Variants in MYZAP observed in about 807,000 individuals in gnomAD.
MYZAP encodes the protein GRINL1A complex locus upstream.
MYZAP carries 66 observed loss-of-function variants against 69.4 expected under a neutral mutation model. That is an observed-to-expected ratio of 0.95 (90% confidence interval 0.78 to 1.17). The LOEUF is 1.17. Ranked by LOEUF, MYZAP falls within the 50% of genes most tolerant of loss-of-function variation. The probability of loss-of-function intolerance (pLI) is 0.00; values close to 1 mark genes in which losing one functional copy is unlikely to be tolerated. For synonymous variants in MYZAP, 256 were observed against 205.9 expected (o/e 1.24, Z -2.09); for missense variants, 611 against 556.2 (o/e 1.10, Z -0.99).
At chr15:57,678,124 A>G (rs540385237) in intron 12 of MYZAP, among the ~76,000 whole-genome samples, 1 of 151,738 alleles carries the variant, frequency 6.6e-6, no homozygotes, top group South Asian at 2.1e-4. Context: ...GCACTTTGGG[A>G]GGCCAAGGCA....
chr15:57,620,140 C>T (rs2932196), intron 3 of MYZAP, among the ~76,000 whole-genome samples: 71,945 of 151,892 alleles, frequency 0.47, 17,570 homozygotes, highest in African/African-American at 0.58. Flanking sequence ...AAAGTTGTAC[C>T]TTTAACCTCA....
At chr15:57,662,758 G>A (rs2038374294) in intron 11 of MYZAP, among the ~76,000 whole-genome samples, 1 of 152,180 alleles carries the variant, frequency 6.6e-6, no homozygotes, top group Non-Finnish European at 1.5e-5. Flanking sequence ...GGTTACAGTA[G>A]AGATGGGTAA....
intron 5 of MYZAP, among the ~76,000 whole-genome samples, chr15:57,627,414 GGGAGGA>G (rs370079600): frequency 8.5e-5 from 12 of 141,470 alleles, no homozygotes; most frequent in African/African-American, 3.2e-4. Flanking sequence ...GAGGGGAAGG[GGGAGGA>G]GGAGGAGGAG....
rs182103676 is a variant in MYZAP, at chr15:57,657,374, C to T, written c.1120-4076C>T. On this transcript the variant is annotated intron_variant, in intron 10 of 12. Transcript: ENST00000267853. The stretch of plus-strand genomic sequence containing the variant: ...ATACCGTGAGAGTAATTTTTGGGAA[C>T]TATTTCTACAAAAATGGAAGGAAGT... 1.6e-4 allele frequency among the ~76,000 whole-genome samples: 24 copies of T among 152,224 alleles called. No homozygotes were observed. In the East Asian group the frequency reaches 4.2e-3, roughly 27 times the overall value.
Position 57,604,296 on chromosome 15 carries a change from G to A in MYZAP, c.103G>A (p.Val35Ile), listed in dbSNP as rs772067728. ...RANVCRLRLT[V>I]PPESPVPEQC... ...AAATGTTTGCAGACTACGGCTGACC[G>A]TACCTCCTGAGAGTCCAGTTCCTGA... Residue 35 changes from valine (V) to isoleucine (I), a missense_variant, in exon 2 of 13, where the codon GTA becomes ATA. Val to Ile is a conservative substitution (Grantham distance 29). Coordinates refer to ENST00000267853, the MANE Select transcript of MYZAP (RefSeq NM_001018100.5). 4.5e-5 allele frequency: 73 copies of A among 1,614,018 alleles called. No individual in the cohort carries two copies. Among genetic ancestry groups the A allele is most frequent in the East Asian group, 2.7e-4 (12 of 44,896 alleles).
At chr15:57,592,820 C>G (rs889836341) in intron 1 of MYZAP, among the ~76,000 whole-genome samples, 4 of 152,170 alleles carry the variant, frequency 2.6e-5, no homozygotes, top group Non-Finnish European at 4.4e-5. Context: ...CTTTCTAACA[C>G]GGTCAGCACC....
At chr15:57,607,435 C>A (rs1001300254) in intron 2 of MYZAP, among the ~76,000 whole-genome samples, 1 of 152,026 alleles carries the variant, frequency 6.6e-6, no homozygotes, top group South Asian at 2.1e-4. Flanking sequence ...TAGTGCTTTT[C>A]AAACTTGTCA....
chr15:57,665,939 G>T (rs2038549293), intron 11 of MYZAP, among the ~76,000 whole-genome samples: 3 of 152,138 alleles, frequency 2.0e-5, no homozygotes, highest in Non-Finnish European at 4.4e-5. Context: ...ACTCTGGGCA[G>T]GTAATTCTAC....
At chr15:57,629,370 T>C (rs1223231907) in intron 5 of MYZAP, among the ~76,000 whole-genome samples, 1 of 152,226 alleles carries the variant, frequency 6.6e-6, no homozygotes, top group Non-Finnish European at 1.5e-5. Flanking sequence ...CTGTTTTTTT[T>C]CCCATGTGAA....
In MYZAP at chr15:57,662,457, G is replaced by A. The variant is rs886408721; in HGVS notation, c.1203+924G>A. Reference sequence around the variant, plus strand: ...GTTCTGTGTAACACAGAAGTTAAGAGTGGAATCCAACTTACCCAAGTGTGA... The same window carrying A: ...GTTCTGTGTAACACAGAAGTTAAGAATGGAATCCAACTTACCCAAGTGTGA... On this transcript the variant is annotated intron_variant, in intron 11 of 12. Coordinates refer to ENST00000267853, the MANE Select transcript of MYZAP (RefSeq NM_001018100.5). Among the ~76,000 whole-genome samples the A allele has an allele frequency of 7.9e-5, 12 of 152,166 alleles. No homozygotes were observed. In the East Asian group the frequency reaches 2.3e-3, roughly 29 times the overall value.
In MYZAP at chr15:57,629,770, G is replaced by C. The variant is rs371814833; in HGVS notation, c.594G>C (p.Thr198=). Reference sequence around the variant, plus strand: ...ATCAAATCAGAAATCTGCAGCAGACGTATGAAGCATCCATGGACAAGCTGA... The same window carrying C: ...ATCAAATCAGAAATCTGCAGCAGACCTATGAAGCATCCATGGACAAGCTGA... ...IKDQIRNLQQ[T]YEASMDKLRE... The change falls in exon 6 of 13, where the codon ACG becomes ACC. Residue 198 remains threonine, a synonymous_variant. Coordinates refer to ENST00000267853, the MANE Select transcript of MYZAP (RefSeq NM_001018100.5). The C allele has an allele frequency of 6.2e-7, 1 of 1,614,074 alleles. No homozygotes were observed. The highest frequency in any genetic ancestry group is 8.5e-7 in the Non-Finnish European group (1 of 1,179,992).
chr15:57,604,967 A>G lies in MYZAP; in HGVS notation c.162+612A>G, dbSNP rs367766956. 2.0e-5 allele frequency among the ~76,000 whole-genome samples: 3 copies of G among 152,360 alleles called. No individual in the cohort carries two copies. In the East Asian group the frequency reaches 5.8e-4, roughly 29 times the overall value. ...TGTGATATTTCAGGTGTTAAGATCCAGCCCTATATGACGGAATCTGGGAAC... is the reference window on the plus strand; with the variant it reads ...TGTGATATTTCAGGTGTTAAGATCCGGCCCTATATGACGGAATCTGGGAAC... On this transcript the variant is annotated intron_variant, in intron 2 of 12. Transcript: ENST00000267853.
intron 6 of MYZAP, among the ~76,000 whole-genome samples, chr15:57,631,464 G>GAAAA (rs111892046): frequency 2.1e-5 from 3 of 146,142 alleles, no homozygotes; most frequent in East Asian, 4.0e-4. Flanking sequence ...CCCCAAATTG[G>GAAAA]GAAAAAAAAA....
rs1395001558 is a variant in MYZAP at position 57,664,275 on chromosome 15, T to C, written c.1203+2742T>C. Among the ~76,000 whole-genome samples the C allele has an allele frequency of 3.3e-5, 5 of 152,178 alleles. No homozygotes were observed. In the South Asian group the frequency reaches 1.0e-3, roughly 32 times the overall value. On this transcript the variant is annotated intron_variant, in intron 11 of 12. Transcript: ENST00000267853. The stretch of plus-strand genomic sequence containing the variant: ...GGGTCACAGGACCCTCAGTGGCTTC[T>C]TCCAAGGTGATTCAAACACAGGACT...
Position 57,629,727 on chromosome 15 carries a change from A to G in MYZAP, c.551A>G (p.Glu184Gly). Reference protein sequence around the residue: ...LQKTLVDVTLENSNIKDQIRN... With the variant: ...LQKTLVDVTLGNSNIKDQIRN... ...AAAACCCTCGTGGATGTGACTTTGG[A>G]AAACAGCAACATTAAGGATCAAATC... is the stretch of plus-strand genomic sequence containing the variant. The change falls in exon 6 of 13, where the codon GAA becomes GGA. Residue 184 changes from glutamate to glycine, a missense_variant. Coordinates refer to ENST00000267853, the MANE Select transcript of MYZAP (RefSeq NM_001018100.5). 6.2e-7 allele frequency: 1 copy of G among 1,609,702 alleles called. No individual in the cohort carries two copies. Among genetic ancestry groups the G allele is most frequent in the Non-Finnish European group, 8.5e-7 (1 of 1,179,042 alleles).
intron 10 of MYZAP, chr15:57,648,595 G>A: frequency 2.4e-6 from 1 of 411,762 alleles, no homozygotes; most frequent in Non-Finnish European, 3.3e-6. Context: ...CAGTCTCTCA[G>A]CAAATAATGA....
chr15:57,639,214 A>ATT lies in MYZAP; in HGVS notation c.1014-215_1014-214dup, dbSNP rs5812905. Reference sequence around the variant, plus strand: ...ACATGTTTTCTATTTTTATTTATTTATTTTTTTTTTTTGTGGAGATGAGGG... The same window carrying ATT: ...ACATGTTTTCTATTTTTATTTATTTATTTTTTTTTTTTTTGTGGAGATGAGGG... On this transcript the variant is annotated intron_variant, in intron 9 of 12. Transcript: ENST00000267853. 6.5e-3 allele frequency among the ~76,000 whole-genome samples: 944 copies of ATT among 145,508 alleles called. 9 individuals are homozygous for ATT. The highest frequency in any genetic ancestry group is 0.022 in the African/African-American group (862 of 39,936).
At position 57,645,230 on chromosome 15, in the gene MYZAP, T is replaced by A. The variant is rs1004658509; in HGVS notation, c.1119+5685T>A. ...TAACGGTCATCTCTTAGATTTTTTTTAAAGAGTGATGCTGTAGTCATAATG... is the reference window on the plus strand; with the variant it reads ...TAACGGTCATCTCTTAGATTTTTTTAAAAGAGTGATGCTGTAGTCATAATG... On this transcript the variant is annotated intron_variant, in intron 10 of 12. Coordinates refer to ENST00000267853, the MANE Select transcript of MYZAP (RefSeq NM_001018100.5). 7.2e-5 allele frequency among the ~76,000 whole-genome samples: 11 copies of A among 152,352 alleles called. No individual in the cohort carries two copies. In the South Asian group the frequency reaches 1.0e-3, roughly 14 times the overall value.
intron 2 of MYZAP, among the ~76,000 whole-genome samples, chr15:57,606,569 G>A (rs1192841898): frequency 6.8e-6 from 1 of 146,220 alleles, no homozygotes; most frequent in Non-Finnish European, 1.5e-5. Flanking sequence ...ACACTCTGGG[G>A]GACTATTGTG....
Sources: allele counts gnomAD v4.1 joint callset (sites outside exome capture counted in the v4.1 genomes callset), GRCh38; gene constraint gnomAD v4.1.1; transcripts MANE v1.5; gene names NCBI Gene and HGNC (gene_info 2026-07-23, HGNC 2026-07-21).